COL23A1: variants seen among roughly 807,000 people sequenced by gnomAD.
COL23A1 encodes collagen type XXIII alpha 1 chain.
Under a neutral mutation model 99.3 loss-of-function variants are expected in COL23A1, and 97 were observed. The observed-to-expected ratio is 0.98, with a 90% CI of 0.83 to 1.16. The LOEUF is 1.16. COL23A1 is among the 50% of genes most tolerant of loss of function. The probability of loss-of-function intolerance (pLI) is 0.00; values close to 1 mark genes in which losing one functional copy is unlikely to be tolerated. For synonymous variants in COL23A1, 320 were observed against 308.2 expected (o/e 1.04, Z -0.40); for missense variants, 762 against 757.4 (o/e 1.01, Z -0.07).
rs745618720 is a variant in COL23A1 at position 178,242,423 on chromosome 5, A to G, written c.1441-29T>C. On this transcript the variant is annotated intron_variant, in intron 25 of 28. Transcript: ENST00000390654. ...ACAAAAGGATTAGATGCTAAACCCG[A>G]AAATGAGGCTGGAGGTTTGCCCCTC... The G allele has an allele frequency of 1.9e-6, 3 of 1,611,750 alleles. No homozygotes were observed. The Admixed American group carries it at 5.0e-5, about 27-fold the overall frequency.
At chr5:178,442,274 G>GAAA (rs1222370761) in intron 2 of COL23A1, among the ~76,000 whole-genome samples, 1 of 152,156 alleles carries the variant, frequency 6.6e-6, no homozygotes, top group Non-Finnish European at 1.5e-5. Flanking sequence ...GAAGTCTTAT[G>GAAA]AAAGGTTCTG....
In COL23A1 at chr5:178,380,481, G is replaced by A. The variant is rs78282557; in HGVS notation, c.362-73562C>T. On this transcript the variant is annotated intron_variant, in intron 2 of 28. Transcript: ENST00000390654. Reference sequence around the variant, plus strand: ...TATTTTCTTTCTTTTTCTGCTGAAGGGGAAAAGGCACTGTCACCACAGCTG... The same window carrying A: ...TATTTTCTTTCTTTTTCTGCTGAAGAGGAAAAGGCACTGTCACCACAGCTG... Among the ~76,000 whole-genome samples, 1,481 of 152,160 alleles carry A rather than the reference G, an allele frequency of 9.7e-3. 10 individuals are homozygous for A. The highest frequency in any genetic ancestry group is 0.018 in the Admixed American group (268 of 15,272).
chr5:178,365,920 G>T lies in COL23A1; in HGVS notation c.362-59001C>A, dbSNP rs1762449789. On this transcript the variant is annotated intron_variant, in intron 2 of 28. Coordinates refer to ENST00000390654, the MANE Select transcript of COL23A1 (RefSeq NM_173465.4). The surrounding 1 kb of genome is among the most constrained non-coding windows in gnomAD (Gnocchi z 5.2). Reference sequence around the variant, plus strand: ...GTCAGTGAACACAGCAGGAAGGGGGGATGGTCAAGCGCACCACAGGCTTGG... The same window carrying T: ...GTCAGTGAACACAGCAGGAAGGGGGTATGGTCAAGCGCACCACAGGCTTGG... 6.6e-6 allele frequency among the ~76,000 whole-genome samples: 1 copy of T among 152,066 alleles called. No homozygotes were observed. Among genetic ancestry groups the T allele is most frequent in the Non-Finnish European group, 1.5e-5 (1 of 68,006 alleles).
At chr5:178,443,960 G>A (rs1216450050) in intron 2 of COL23A1, among the ~76,000 whole-genome samples, 3 of 152,152 alleles carry the variant, frequency 2.0e-5, no homozygotes, top group African/African-American at 7.2e-5. Flanking sequence ...CTAACACTTT[G>A]GGAGGCTGAG....
chr5:178,578,056 C>A (rs1157727693), intron 1 of COL23A1, among the ~76,000 whole-genome samples: 9 of 151,546 alleles, frequency 5.9e-5, no homozygotes, highest in Non-Finnish European at 1.2e-4. Flanking sequence ...CATGCACACA[C>A]CCACATGCAC....
intron 2 of COL23A1, among the ~76,000 whole-genome samples, chr5:178,548,797 G>A (rs937490960): frequency 6.6e-6 from 1 of 152,058 alleles, no homozygotes; most frequent in African/African-American, 2.4e-5. Flanking sequence ...GGTGGCATTT[G>A]CTTTCTATAC....
At chr5:178,360,472 T>G (rs1158689631) in intron 2 of COL23A1, among the ~76,000 whole-genome samples, 1 of 150,842 alleles carries the variant, frequency 6.6e-6, no homozygotes, top group East Asian at 1.9e-4. Flanking sequence ...GGGCCTCATG[T>G]GGGGGGGGAT....
rs902918386 is a variant in COL23A1 at position 178,554,554 on chromosome 5, G to A, written c.361+6128C>T. Among the ~76,000 whole-genome samples, 10 of 152,302 alleles carry A rather than the reference G, an allele frequency of 6.6e-5. No homozygotes were observed. The South Asian group carries it at 8.3e-4, about 13-fold the overall frequency. On this transcript the variant is annotated intron_variant, in intron 2 of 28. Coordinates refer to ENST00000390654, the MANE Select transcript of COL23A1 (RefSeq NM_173465.4). ...CCACCTGGCGGTGACTGGGCCAGCC[G>A]TCACCGGAAGAGTCTGGTCACCTAC... is the stretch of plus-strand genomic sequence containing the variant.
intron 2 of COL23A1, among the ~76,000 whole-genome samples, chr5:178,325,753 T>C (rs1280135244): frequency 2.0e-5 from 3 of 152,180 alleles, no homozygotes; most frequent in African/African-American, 7.2e-5. Flanking sequence ...AGGACCAAGG[T>C]GGACATTCAC....
rs1243002570 is a variant in COL23A1 at position 178,544,709 on chromosome 5, A to C, written c.361+15973T>G. Among the ~76,000 whole-genome samples the C allele has an allele frequency of 6.6e-6, 1 of 152,166 alleles. No homozygotes were observed. Among genetic ancestry groups the C allele is most frequent in the East Asian group, 1.9e-4 (1 of 5,184 alleles). On this transcript the variant is annotated intron_variant, in intron 2 of 28. Transcript: ENST00000390654. The surrounding 1 kb of genome is among the most constrained non-coding windows in gnomAD (Gnocchi z 4.4). ...CACCTTCCAGTCCTGTAAGTGGCAA[A>C]GCTCAGAGGCACTGTGGGCTCAGCC...
chr5:178,582,488 G>C (rs1357827377), intron 1 of COL23A1, among the ~76,000 whole-genome samples: 1 of 152,186 alleles, frequency 6.6e-6, no homozygotes, highest in Non-Finnish European at 1.5e-5. Context: ...GTGGGGCAGA[G>C]AGGGCTCCTC....
rs1019759578 is a variant in COL23A1 at position 178,311,754 on chromosome 5, G to A, written c.362-4835C>T. On this transcript the variant is annotated intron_variant, in intron 2 of 28. Coordinates refer to ENST00000390654, the MANE Select transcript of COL23A1 (RefSeq NM_173465.4). ...TTTTGTTTTGTTTTTTTTTTGAGAC[G>A]GAGTCTCACTCTGTTGCCCAGGCTG... Among the ~76,000 whole-genome samples, 7 of 124,646 alleles carry A rather than the reference G, an allele frequency of 5.6e-5. No homozygotes were observed. The East Asian group carries it at 6.4e-4, about 11-fold the overall frequency. The allele number at this position is 124,646 out of a possible 152,430, so 81.8% of individuals were successfully genotyped here. A position where few individuals can be genotyped will look rare whatever the true frequency, so the allele number is the denominator to read the frequency against.
chr5:178,550,662 G>T (rs2113464370), intron 2 of COL23A1, among the ~76,000 whole-genome samples: 1 of 152,256 alleles, frequency 6.6e-6, no homozygotes, highest in Non-Finnish European at 1.5e-5. Flanking sequence ...TAAGAAGTCA[G>T]GTAAGAAGCC....
chr5:178,417,216 A>C (rs1311777863), intron 2 of COL23A1, among the ~76,000 whole-genome samples: 1 of 152,164 alleles, frequency 6.6e-6, no homozygotes, highest in Non-Finnish European at 1.5e-5. Context: ...TACATACAAC[A>C]CATACAACAC....
intron 12 of COL23A1, among the ~76,000 whole-genome samples, chr5:178,257,923 T>C (rs1765397068): frequency 6.6e-6 from 1 of 152,172 alleles, no homozygotes; most frequent in African/African-American, 2.4e-5. Context: ...CGAGGTTGGC[T>C]GGCACTGTGG....
chr5:178,552,706 TAA>T (rs60501006), intron 2 of COL23A1, among the ~76,000 whole-genome samples: 31,613 of 135,940 alleles, frequency 0.23, 4,254 homozygotes, highest in African/African-American at 0.38. Flanking sequence ...CAAAAAAAAT[TAA>T]AAAAAAAAAA....
intron 5 of COL23A1, among the ~76,000 whole-genome samples, chr5:178,271,092 C>T (rs1383842929): frequency 6.6e-6 from 1 of 152,178 alleles, no homozygotes; most frequent in African/African-American, 2.4e-5. Flanking sequence ...GACCTCCAGG[C>T]CCCCTGCAGA....
At chr5:178,419,539 A>G (rs1765487683) in intron 2 of COL23A1, among the ~76,000 whole-genome samples, 1 of 152,192 alleles carries the variant, frequency 6.6e-6, no homozygotes, top group Admixed American at 6.5e-5. Flanking sequence ...TGTAGATGAG[A>G]AAGTGCTGGG....
chr5:178,427,689 A>G (rs186178877), intron 2 of COL23A1, among the ~76,000 whole-genome samples: 2 of 152,370 alleles, frequency 1.3e-5, no homozygotes, highest in Non-Finnish European at 2.9e-5. Flanking sequence ...GCATATTATT[A>G]GGAGAAAGAA....
Sources: gnomAD v4.1 joint callset for allele counts (sites outside exome capture counted in the v4.1 genomes callset) on GRCh38, gnomAD v4.1.1 for gene constraint, Gnocchi (gnomAD v3.1) non-coding constraint, MANE v1.5 for transcripts, NCBI Gene and HGNC (gene_info 2026-07-23, HGNC 2026-07-21) for gene names.